The following PARD3 variants were observed in gnomAD, a reference collection of about 807,000 sequenced individuals.
PARD3 encodes par-3 family cell polarity regulator.
In PARD3, 75 loss-of-function variants were observed where a neutral mutation model predicts 155.4. That is an observed-to-expected ratio of 0.48 (90% CI 0.40 to 0.58). The LOEUF (loss-of-function observed/expected upper bound fraction) is 0.58. Among genes scored for constraint, PARD3 ranks in the 20% least tolerant of loss-of-function variants. The pLI, the probability that PARD3 is intolerant of heterozygous loss-of-function variation, is 0.00. For missense variants in PARD3, 1,642 were observed against 1,721.7 expected (o/e 0.95, Z 0.82); for synonymous variants, 576 against 610.5 (o/e 0.94, Z 0.83).
intron 3 of PARD3, among the ~76,000 whole-genome samples, chr10:34,497,238 A>C (rs537251254): frequency 6.6e-6 from 1 of 152,366 alleles, no homozygotes; most frequent in African/African-American, 2.4e-5. Flanking sequence ...TACTTGAAAA[A>C]GAAAATAAAA....
chr10:34,403,492 A>G (rs1844117830), intron 5 of PARD3, among the ~76,000 whole-genome samples: 1 of 152,224 alleles, frequency 6.6e-6, no homozygotes, highest in Non-Finnish European at 1.5e-5. Context: ...ATCATTGAAG[A>G]GATAGTAAGA....
chr10:34,429,563 T>A (rs961311982), intron 5 of PARD3, among the ~76,000 whole-genome samples: 29 of 103,392 alleles, frequency 2.8e-4, no homozygotes, highest in African/African-American at 2.4e-3. Flanking sequence ...AGTTTTGTTT[T>A]GTTTTGTTTT....
At chr10:34,308,840 G>A (rs1957549266) in intron 20 of PARD3, among the ~76,000 whole-genome samples, 1 of 151,426 alleles carries the variant, frequency 6.6e-6, no homozygotes, top group African/African-American at 2.5e-5. Context: ...ACTTCGGACT[G>A]AGCACCTGGG....
At chr10:34,377,187 G>A (rs1841337276) in intron 10 of PARD3, among the ~76,000 whole-genome samples, 1 of 152,102 alleles carries the variant, frequency 6.6e-6, no homozygotes, top group African/African-American at 2.4e-5. Flanking sequence ...ATCTGTCTCT[G>A]TTCTGAATAC....
chr10:34,205,000 G>A (rs1331563552), intron 22 of PARD3, among the ~76,000 whole-genome samples: 1 of 152,186 alleles, frequency 6.6e-6, no homozygotes, highest in East Asian at 1.9e-4. Flanking sequence ...GATTGTGCCT[G>A]CATCATTATA....
chr10:34,583,106 C>T (rs2087649060), intron 2 of PARD3, among the ~76,000 whole-genome samples: 1 of 152,202 alleles, frequency 6.6e-6, no homozygotes, highest in African/African-American at 2.4e-5. Context: ...ATTGTGAGTA[C>T]CTGGGATTAA....
intron 2 of PARD3, among the ~76,000 whole-genome samples, chr10:34,624,242 C>T (rs1460949501): frequency 2.0e-5 from 3 of 152,290 alleles, no homozygotes; most frequent in South Asian, 2.1e-4. Flanking sequence ...ACAAGTTAAA[C>T]GGCCCTTTCT....
intron 14 of PARD3, among the ~76,000 whole-genome samples, chr10:34,354,212 C>T (rs895586444): frequency 6.6e-6 from 1 of 151,292 alleles, no homozygotes; most frequent in African/African-American, 2.4e-5. Context: ...TCCATCTCTA[C>T]TAAAAAATAC....
At chr10:34,344,927 G>A (rs1250296139) in intron 15 of PARD3, 15 of 985,236 alleles carry the variant, frequency 1.5e-5, no homozygotes, top group Non-Finnish European at 1.8e-5. Flanking sequence ...ATAACTCCCC[G>A]ACATATAAGG....
At chr10:34,526,547 C>T (rs2082498851) in intron 2 of PARD3, among the ~76,000 whole-genome samples, 1 of 152,154 alleles carries the variant, frequency 6.6e-6, no homozygotes, top group Non-Finnish European at 1.5e-5. Flanking sequence ...AAGGCCCTTC[C>T]TTTCTAGTCT....
chr10:34,345,584 A>G (rs1362743716), intron 15 of PARD3: 4 of 985,222 alleles, frequency 4.1e-6, no homozygotes, highest in African/African-American at 1.7e-5. Context: ...TACTGTGCAA[A>G]TCAATAAACA....
intron 22 of PARD3, among the ~76,000 whole-genome samples, chr10:34,161,095 A>C (rs1446216928): frequency 1.3e-5 from 2 of 152,120 alleles, no homozygotes; most frequent in African/African-American, 4.8e-5. Flanking sequence ...AGTTTAAAAA[A>C]TTAGCTAGAC....
At chr10:34,753,881 A>G (rs994077383) in intron 1 of PARD3, among the ~76,000 whole-genome samples, 13 of 152,234 alleles carry the variant, frequency 8.5e-5, no homozygotes, top group Non-Finnish European at 1.2e-4. Context: ...ACACAACCTT[A>G]AAACAAAAAG....
chr10:34,610,834 G>T (rs1191734493), intron 2 of PARD3, among the ~76,000 whole-genome samples: 1 of 152,126 alleles, frequency 6.6e-6, no homozygotes, highest in African/African-American at 2.4e-5. Context: ...AGTACCCACA[G>T]CTTTTGATTA....
chr10:34,121,920 G>A (rs969113642), intron 23 of PARD3, among the ~76,000 whole-genome samples: 3 of 152,202 alleles, frequency 2.0e-5, no homozygotes, highest in African/African-American at 4.8e-5. Flanking sequence ...TTCGCTGAGC[G>A]AGTTCTGCTT....
intron 2 of PARD3, among the ~76,000 whole-genome samples, chr10:34,534,366 A>T (rs953397487): frequency 6.6e-6 from 1 of 152,040 alleles, no homozygotes; most frequent in African/African-American, 2.4e-5. Context: ...GTTCCACTCC[A>T]AAGGACGGGC....
intron 19 of PARD3, among the ~76,000 whole-genome samples, chr10:34,324,719 G>A (rs1322094578): frequency 6.6e-6 from 1 of 152,208 alleles, no homozygotes; most frequent in African/African-American, 2.4e-5. Context: ...GACACAGTGA[G>A]ATGATGATTC....
At chr10:34,289,239 G>T (rs1956554957) in intron 20 of PARD3, among the ~76,000 whole-genome samples, 2 of 152,152 alleles carry the variant, frequency 1.3e-5, no homozygotes, top group South Asian at 4.2e-4. Flanking sequence ...GCCCAGGCTA[G>T]AGTGCAGTGG....
chr10:34,605,916 CTATATATATATCTCCTA>C lies in PARD3; in HGVS notation c.223-88774_223-88758del, dbSNP rs1564406894. On this transcript the variant is annotated intron_variant, in intron 2 of 24. Transcript: ENST00000374788. ...TATATATCTCCTATATATATATCTC[CTATATATATATCTCCTA>C]TATATATATATCTCCTATATATATA... is the stretch of plus-strand genomic sequence containing the variant. Among the ~76,000 whole-genome samples the C allele has an allele frequency of 9.6e-5, 8 of 83,118 alleles. 1 individual carries two copies. The highest frequency in any genetic ancestry group is 3.5e-4 in the African/African-American group (7 of 20,008). The allele number at this position is 83,118 out of a possible 152,430, so 54.5% of individuals were successfully genotyped here.
Sources: allele counts gnomAD v4.1 joint callset (sites outside exome capture counted in the v4.1 genomes callset), GRCh38; gene constraint gnomAD v4.1.1; transcripts MANE v1.5; gene names NCBI Gene and HGNC (gene_info 2026-07-23, HGNC 2026-07-21).